Variants in LDB2 observed in about 807,000 individuals in gnomAD.
The protein encoded by LDB2 is LIM domain-binding protein 2.
In LDB2, 12 loss-of-function variants were observed where a neutral mutation model predicts 44.3. The ratio of observed to expected loss-of-function variants is 0.27; its 90% CI spans 0.17 to 0.44. The LOEUF is 0.44. Ranked by LOEUF, LDB2 falls within the 20% of genes least tolerant of loss-of-function variation. The pLI, the probability that LDB2 is intolerant of heterozygous loss-of-function variation, is 1.00. For missense variants in LDB2, 344 were observed against 473.5 expected (o/e 0.73, Z 2.54); for synonymous variants, 164 against 174.8 (o/e 0.94, Z 0.49).
At chr4:16,539,696 C>A (rs1733088858) in intron 5 of LDB2, among the ~76,000 whole-genome samples, 1 of 152,064 alleles carries the variant, frequency 6.6e-6, no homozygotes, top group African/African-American at 2.4e-5. Flanking sequence ...ATGGTCTTTT[C>A]ATCTAGAGTC....
intron 1 of LDB2, among the ~76,000 whole-genome samples, chr4:16,828,311 G>A (rs1196846551): frequency 3.3e-5 from 5 of 152,112 alleles, no homozygotes; most frequent in Non-Finnish European, 2.9e-5. Flanking sequence ...CAAGTCAAGC[G>A]GATGGACTCT....
Position 16,533,680 on chromosome 4 carries a change from G to A in LDB2, c.616-21576C>T, listed in dbSNP as rs536825813. 2.6e-5 allele frequency among the ~76,000 whole-genome samples: 4 copies of A among 152,204 alleles called. No homozygotes were observed. The highest frequency in any genetic ancestry group is 4.1e-4 in the South Asian group (2 of 4,824). The stretch of plus-strand genomic sequence containing the variant: ...TTACCAGACACCTTGTCTGAGGGAC[G>A]TCACCCTGGCTGAACAAATGGTTGC... On this transcript the variant is annotated intron_variant, in intron 5 of 7. Transcript: ENST00000304523. This position sits in a 1 kb window ranked among gnomAD's most constrained non-coding sequence, Gnocchi z 4.1.
At chr4:16,729,031 GCATGAAAGACGGTT>G (rs1760153243) in intron 2 of LDB2, among the ~76,000 whole-genome samples, 1 of 152,136 alleles carries the variant, frequency 6.6e-6, no homozygotes, top group South Asian at 2.1e-4. Flanking sequence ...GTCTGCTAAT[GCATGAAAGACGGTT>G]CATGTCATTA....
intron 1 of LDB2, among the ~76,000 whole-genome samples, chr4:16,858,428 A>C (rs1383154293): frequency 1.3e-5 from 2 of 152,196 alleles, no homozygotes; most frequent in Non-Finnish European, 2.9e-5. Flanking sequence ...GCTTCCAGAG[A>C]ACTGGGTCTC....
chr4:16,861,690 A>G (rs1404361111), intron 1 of LDB2, among the ~76,000 whole-genome samples: 1 of 152,206 alleles, frequency 6.6e-6, no homozygotes, highest in Non-Finnish European at 1.5e-5. Context: ...CAGAATCTCA[A>G]ATATGGCTTT....
At chr4:16,798,008 C>T (rs1777070403) in intron 1 of LDB2, among the ~76,000 whole-genome samples, 1 of 146,498 alleles carries the variant, frequency 6.8e-6, no homozygotes. Flanking sequence ...GCACTCCAGC[C>T]TGGGCGACAG....
intron 2 of LDB2, among the ~76,000 whole-genome samples, chr4:16,729,043 G>T (rs552409864): frequency 6.6e-6 from 1 of 152,144 alleles, no homozygotes; most frequent in East Asian, 1.9e-4. Context: ...ATGAAAGACG[G>T]TTCATGTCAT....
chr4:16,655,662 A>T (rs1739570031), intron 2 of LDB2, among the ~76,000 whole-genome samples: 1 of 152,178 alleles, frequency 6.6e-6, no homozygotes, highest in Non-Finnish European at 1.5e-5. Flanking sequence ...TTGGCATTTA[A>T]CAAAAATGAA....
At chr4:16,796,081 C>T (rs555071695) in intron 1 of LDB2, among the ~76,000 whole-genome samples, 1 of 152,090 alleles carries the variant, frequency 6.6e-6, no homozygotes, top group East Asian at 1.9e-4. Flanking sequence ...CTCTTGAGTC[C>T]AGGAGTGTGA....
rs1035177303 is a variant in LDB2, at chr4:16,560,850, A to G, written c.615+25072T>C. Among the ~76,000 whole-genome samples the G allele has an allele frequency of 2.0e-5, 3 of 152,202 alleles. No individual in the cohort carries two copies. The East Asian group carries it at 5.8e-4, about 29-fold the overall frequency. On this transcript the variant is annotated intron_variant, in intron 5 of 7. Transcript: ENST00000304523. ...ACTGGCAAACCGAATCCAGCAGCAC[A>G]TCAAAAAGCTTATCCACCATGATCA...
intron 2 of LDB2, among the ~76,000 whole-genome samples, chr4:16,703,852 G>A (rs1248691567): frequency 6.6e-6 from 1 of 152,162 alleles, no homozygotes; most frequent in Non-Finnish European, 1.5e-5. Flanking sequence ...TAATTTATGT[G>A]CAGTATTCCA....
At chr4:16,876,273 T>C (rs1015447927) in intron 1 of LDB2, among the ~76,000 whole-genome samples, 3 of 152,254 alleles carry the variant, frequency 2.0e-5, no homozygotes, top group African/African-American at 4.8e-5. Context: ...TGATAATTTA[T>C]GCAATGGTAA....
chr4:16,696,252 T>G (rs552639055), intron 2 of LDB2, among the ~76,000 whole-genome samples: 3 of 152,288 alleles, frequency 2.0e-5, no homozygotes, highest in African/African-American at 7.2e-5. Context: ...ATGGGCTCTA[T>G]ATGTGGTGGG....
chr4:16,737,530 A>G (rs1762137271), intron 2 of LDB2, among the ~76,000 whole-genome samples: 2 of 152,260 alleles, frequency 1.3e-5, no homozygotes, highest in Admixed American at 1.3e-4. Flanking sequence ...ATAGTATAAA[A>G]AACTAAGGCA....
intron 1 of LDB2, among the ~76,000 whole-genome samples, chr4:16,814,521 C>G (rs762006890): frequency 3.1e-4 from 43 of 136,850 alleles, no homozygotes; most frequent in Non-Finnish European, 5.7e-4. Context: ...GCCTCCCTGC[C>G]CATTATATGA....
At chr4:16,552,837 A>C (rs898825449) in intron 5 of LDB2, among the ~76,000 whole-genome samples, 12 of 152,242 alleles carry the variant, frequency 7.9e-5, no homozygotes, top group African/African-American at 2.4e-4. Context: ...AAAAATGAAC[A>C]ATCACAAGGA....
chr4:16,891,193 G>T, intron 1 of LDB2, among the ~76,000 whole-genome samples: 1 of 147,108 alleles, frequency 6.8e-6, no homozygotes. Context: ...AGCACTGAAT[G>T]GAAATTTAAA....
chr4:16,617,430 C>G (rs1046545330), intron 2 of LDB2, among the ~76,000 whole-genome samples: 1 of 152,150 alleles, frequency 6.6e-6, no homozygotes. Context: ...CTCCTCCTGA[C>G]CTTAATTGAC....
At chr4:16,595,666 A>T in intron 3 of LDB2, 37 bp downstream of exon 3, 1 of 1,593,860 alleles carries the variant, frequency 6.3e-7, no homozygotes, top group Non-Finnish European at 8.6e-7. Flanking sequence ...CTCTCAGAGT[A>T]GGAAAAGCCG....
Sources: allele counts gnomAD v4.1 joint callset (sites outside exome capture counted in the v4.1 genomes callset), GRCh38; gene constraint gnomAD v4.1.1; non-coding constraint Gnocchi (gnomAD v3.1); transcripts MANE v1.5; gene names NCBI Gene and HGNC (gene_info 2026-07-23, HGNC 2026-07-21).